The following ERBB4 variants were observed in gnomAD, a reference collection of about 807,000 sequenced individuals.
ERBB4 encodes receptor tyrosine-protein kinase erbB-4.
Under a neutral mutation model 158.0 loss-of-function variants are expected in ERBB4, and 42 were observed. The observed-to-expected ratio is 0.27, with a 90% confidence interval of 0.21 to 0.34. The LOEUF is 0.34. ERBB4 is among the 10% of genes least tolerant of loss of function. The pLI is 1.00. For synonymous variants in ERBB4, 583 were observed against 558.7 expected (o/e 1.04, Z -0.61); for missense variants, 1,333 against 1,624.1 (o/e 0.82, Z 3.08).
intron 19 of ERBB4, among the ~76,000 whole-genome samples, chr2:211,614,202 T>C (rs775857409): frequency 2.6e-5 from 4 of 152,166 alleles, no homozygotes; most frequent in Admixed American, 6.6e-5. Context: ...CTCATTTATT[T>C]GTGAGATCTA....
At chr2:211,768,057 T>G (rs1276385992) in intron 4 of ERBB4, among the ~76,000 whole-genome samples, 2 of 152,132 alleles carry the variant, frequency 1.3e-5, no homozygotes, top group African/African-American at 2.4e-5. Flanking sequence ...GTTCAGACAT[T>G]GGGTAAATAC....
intron 20 of ERBB4, among the ~76,000 whole-genome samples, chr2:211,483,731 T>A (rs992277209): frequency 1.3e-5 from 2 of 152,146 alleles, no homozygotes; most frequent in South Asian, 4.1e-4. Context: ...TTTGTATTTT[T>A]AGTAGAGACT....
rs193013785 is a variant in ERBB4 at position 212,282,203 on chromosome 2, C to A, written c.83-157300G>T. On this transcript the variant is annotated intron_variant, in intron 1 of 27. Transcript: ENST00000342788. Reference sequence around the variant, plus strand: ...CCATAGAAAAGATTAACCTGGCAGGCACCACAGGGATATGTATTTTTTCAA... The same window carrying A: ...CCATAGAAAAGATTAACCTGGCAGGAACCACAGGGATATGTATTTTTTCAA... 4.6e-5 allele frequency among the ~76,000 whole-genome samples: 7 copies of A among 151,882 alleles called. No individual in the cohort carries two copies. In the East Asian group the frequency reaches 1.4e-3, roughly 30 times the overall value.
chr2:212,495,672 C>G (rs1337874078), intron 1 of ERBB4, among the ~76,000 whole-genome samples: 1 of 152,146 alleles, frequency 6.6e-6, no homozygotes, highest in Non-Finnish European at 1.5e-5. Context: ...TAAAATTAGC[C>G]CTGGCACATA....
chr2:211,728,549 C>T (rs1337503253), intron 5 of ERBB4, among the ~76,000 whole-genome samples: 1 of 151,808 alleles, frequency 6.6e-6, no homozygotes, highest in African/African-American at 2.4e-5. Context: ...AATTCAAACA[C>T]AATTCTTCTC....
At position 211,380,996 on chromosome 2, in the gene ERBB4, G is replaced by C. The variant is rs562489105; in HGVS notation, c.*2619C>G. 3 of 232,082 alleles carry C rather than the reference G, an allele frequency of 1.3e-5. No individual in the cohort carries two copies. The highest frequency in any genetic ancestry group is 4.4e-5 in the African/African-American group (2 of 45,240). The allele number at this position is 232,082 out of a possible 1,614,324, so 14.4% of individuals were successfully genotyped here. Reference sequence around the variant, plus strand: ...TCCAAAAAGAGGGCTGTGATGACTCGATGCAGATTTATTTAGAAAGGGAGG... The same window carrying C: ...TCCAAAAAGAGGGCTGTGATGACTCCATGCAGATTTATTTAGAAAGGGAGG... On this transcript the variant is annotated 3_prime_UTR_variant, in exon 28 of 28. Coordinates refer to ENST00000342788, the MANE Select transcript of ERBB4 (RefSeq NM_005235.3).
At chr2:211,825,835 A>C (rs2077089457) in intron 3 of ERBB4, among the ~76,000 whole-genome samples, 1 of 147,520 alleles carries the variant, frequency 6.8e-6, no homozygotes, top group African/African-American at 2.5e-5. Flanking sequence ...ATGTATTAAT[A>C]TATTACACTA....
intron 4 of ERBB4, among the ~76,000 whole-genome samples, chr2:211,773,363 AC>A (rs2075764851): frequency 6.6e-6 from 1 of 151,476 alleles, no homozygotes; most frequent in African/African-American, 2.4e-5. Flanking sequence ...ATAAATGTTT[AC>A]TTTTTATGTA....
At chr2:212,417,829 GCTAA>G (rs200455328) in intron 1 of ERBB4, among the ~76,000 whole-genome samples, 2,036 of 152,014 alleles carry the variant, frequency 0.013, 15 homozygotes, top group Middle Eastern at 0.038. Flanking sequence ...TTCCTTTTCA[GCTAA>G]CTATTAATAT....
intron 2 of ERBB4, among the ~76,000 whole-genome samples, chr2:212,086,391 C>T (rs1410883897): frequency 6.7e-6 from 1 of 150,126 alleles, no homozygotes; most frequent in Non-Finnish European, 1.5e-5. Flanking sequence ...TCTTTGGATT[C>T]TATGGAATAT....
intron 1 of ERBB4, among the ~76,000 whole-genome samples, chr2:212,299,842 T>C (rs914814285): frequency 4.6e-5 from 7 of 151,722 alleles, no homozygotes; most frequent in African/African-American, 1.7e-4. Context: ...GTTTCTTTTG[T>C]GCATAATACT....
chr2:211,582,931 G>A (rs1433939499), intron 19 of ERBB4, among the ~76,000 whole-genome samples: 1 of 152,080 alleles, frequency 6.6e-6, no homozygotes, highest in Non-Finnish European at 1.5e-5. Context: ...AAGCAGGAAT[G>A]CACTTGAGAA....
intron 12 of ERBB4, 87 bp downstream of exon 12, chr2:211,701,880 C>A (rs1053818227): frequency 4.0e-6 from 4 of 988,234 alleles, no homozygotes; most frequent in East Asian, 2.4e-5. Flanking sequence ...CAATTCTGAC[C>A]GGATGTTATT....
At chr2:211,433,743 A>C (rs1328273622) in intron 20 of ERBB4, among the ~76,000 whole-genome samples, 1 of 152,172 alleles carries the variant, frequency 6.6e-6, no homozygotes, top group African/African-American at 2.4e-5. Flanking sequence ...AAAGGCTGCA[A>C]TTTGGCAGTC....
At chr2:212,453,059 G>C (rs1368463653) in intron 1 of ERBB4, among the ~76,000 whole-genome samples, 1 of 152,064 alleles carries the variant, frequency 6.6e-6, no homozygotes, top group Non-Finnish European at 1.5e-5. Flanking sequence ...ATAACTTGGG[G>C]CAAATCACTC....
intron 2 of ERBB4, among the ~76,000 whole-genome samples, chr2:212,053,335 T>G (rs2077455605): frequency 6.6e-6 from 1 of 152,206 alleles, no homozygotes; most frequent in Non-Finnish European, 1.5e-5. Context: ...AAATTACCCC[T>G]GGACTGGGCC....
chr2:211,473,359 T>C (rs1192073261), intron 20 of ERBB4, among the ~76,000 whole-genome samples: 2 of 152,138 alleles, frequency 1.3e-5, no homozygotes, highest in African/African-American at 4.8e-5. Flanking sequence ...ATTCTGATTT[T>C]AGGTTTCTGG....
At chr2:211,884,743 G>T (rs1309945351) in intron 3 of ERBB4, among the ~76,000 whole-genome samples, 1 of 152,146 alleles carries the variant, frequency 6.6e-6, no homozygotes, top group African/African-American at 2.4e-5. Flanking sequence ...TCTTGTGATA[G>T]ATATTAGCAG....
At chr2:212,253,241 A>G (rs1559852078) in intron 1 of ERBB4, among the ~76,000 whole-genome samples, 1 of 152,104 alleles carries the variant, frequency 6.6e-6, no homozygotes, top group East Asian at 1.9e-4. Context: ...TAACCCTCTT[A>G]TTTTGTATAT....
Sources: gnomAD v4.1 joint callset for allele counts (sites outside exome capture counted in the v4.1 genomes callset) on GRCh38, gnomAD v4.1.1 for gene constraint, MANE v1.5 for transcripts, NCBI Gene and HGNC (gene_info 2026-07-23, HGNC 2026-07-21) for gene names.